GPR137C: variants seen among roughly 807,000 people sequenced by gnomAD.
GPR137C encodes G protein-coupled receptor 137C.
GPR137C carries 27 observed loss-of-function variants against 43.4 expected under a neutral mutation model. The ratio of observed to expected loss-of-function variants is 0.62; its 90% CI spans 0.46 to 0.86. GPR137C has a LOEUF of 0.86. Ranked by LOEUF, GPR137C falls within the 40% of genes least tolerant of loss-of-function variation. The pLI, the probability that GPR137C is intolerant of heterozygous loss-of-function variation, is 0.00. For synonymous variants in GPR137C, 285 were observed against 226.9 expected (o/e 1.26, Z -2.30); for missense variants, 522 against 534.6 (o/e 0.98, Z 0.23).
At chr14:52,596,315 G>A (rs939230585) in intron 1 of GPR137C, among the ~76,000 whole-genome samples, 3 of 152,232 alleles carry the variant, frequency 2.0e-5, no homozygotes, top group Non-Finnish European at 2.9e-5. Context: ...CGTTCTCAGA[G>A]CTCAAACTCC....
At chr14:52,578,382 G>A (rs1337305146) in intron 1 of GPR137C, among the ~76,000 whole-genome samples, 2 of 151,570 alleles carry the variant, frequency 1.3e-5, no homozygotes, top group African/African-American at 4.8e-5. Context: ...TGCTTTTTGG[G>A]GGAGTTTCCC....
At chr14:52,581,543 AAAAG>A (rs1228232497) in intron 1 of GPR137C, among the ~76,000 whole-genome samples, 5 of 152,092 alleles carry the variant, frequency 3.3e-5, no homozygotes, top group African/African-American at 4.8e-5. Context: ...CAAAAAAAAA[AAAAG>A]AAAGAAAGTG....
chr14:52,629,485 A>G (rs1394674061), intron 3 of GPR137C, among the ~76,000 whole-genome samples: 2 of 152,206 alleles, frequency 1.3e-5, no homozygotes, highest in Non-Finnish European at 2.9e-5. Context: ...AGAGTTGGTC[A>G]CTGTAATTAT....
intron 3 of GPR137C, 27 bp from the exon 4 acceptor site, chr14:52,632,133 A>G: frequency 6.4e-7 from 1 of 1,557,302 alleles, no homozygotes; most frequent in South Asian, 1.1e-5. Flanking sequence ...GTAGAATACT[A>G]AAGATGATGA....
At chr14:52,595,336 CT>C (rs2038840050) in intron 1 of GPR137C, among the ~76,000 whole-genome samples, 1 of 152,088 alleles carries the variant, frequency 6.6e-6, no homozygotes. Context: ...GTGGTGTTCT[CT>C]GAATTTCCTG....
intron 1 of GPR137C, among the ~76,000 whole-genome samples, chr14:52,581,208 A>G (rs978578014): frequency 6.6e-5 from 10 of 150,536 alleles, no homozygotes; most frequent in Non-Finnish European, 1.2e-4. Context: ...AAAAAAAAAA[A>G]AAAAAGTTGT....
intron 3 of GPR137C, among the ~76,000 whole-genome samples, chr14:52,618,132 C>T (rs2039120648): frequency 6.6e-6 from 1 of 152,164 alleles, no homozygotes; most frequent in South Asian, 2.1e-4. Flanking sequence ...GAACAGGATT[C>T]CCCTTTTGAA....
chr14:52,565,771 A>C (rs547636490), intron 1 of GPR137C, among the ~76,000 whole-genome samples: 1 of 152,330 alleles, frequency 6.6e-6, no homozygotes, highest in Non-Finnish European at 1.5e-5. Flanking sequence ...GTGTCCTTGT[A>C]ATCTTATTAT....
chr14:52,579,855 G>A (rs1041591381), intron 1 of GPR137C, among the ~76,000 whole-genome samples: 110 of 152,248 alleles, frequency 7.2e-4, no homozygotes, highest in African/African-American at 2.6e-3. Flanking sequence ...TGGCCGTGTA[G>A]GTACCCTCTA....
intron 3 of GPR137C, among the ~76,000 whole-genome samples, chr14:52,608,341 A>G (rs1047205952): frequency 1.3e-5 from 2 of 152,238 alleles, no homozygotes; most frequent in Admixed American, 1.3e-4. Flanking sequence ...CTTAAGATTG[A>G]TAACAACTTT....
In GPR137C at chr14:52,553,479, C is replaced by T. The variant is rs1256712335; in HGVS notation, c.332C>T (p.Pro111Leu). ...GCCTTCTCGCTCAGCGGCTCCCTGC[C>T]CTTGCTCCGGCCGCCCGCTCACCTG... ...SAAFSLSGSL[P>L]LLRPPAHLHF... Residue 111 changes from proline (P) to leucine (L), a missense_variant, in exon 1 of 7, where the codon CCC (proline) becomes CTC (leucine). By Grantham distance (98) the Pro-to-Leu change is moderately conservative. This residue lies in a region of GPR137C where 437 missense variants were observed against 425.7 expected (regional missense o/e 1.03). Transcript: ENST00000321662. The T allele has an allele frequency of 2.5e-6, 4 of 1,608,890 alleles. No individual in the cohort carries two copies. Among genetic ancestry groups the T allele is most frequent in the Middle Eastern group, 1.7e-4 (1 of 6,060 alleles).
chr14:52,634,027 G>GA (rs748153038), intron 6 of GPR137C, 81 bp downstream of exon 6: 2 of 827,244 alleles, frequency 2.4e-6, no homozygotes, highest in South Asian at 1.5e-5. Flanking sequence ...ACCAAAATAT[G>GA]AAAAAAGGTG....
chr14:52,594,556 C>G (rs1324185420), intron 1 of GPR137C, among the ~76,000 whole-genome samples: 1 of 152,206 alleles, frequency 6.6e-6, no homozygotes, highest in Non-Finnish European at 1.5e-5. Context: ...GAATTGATCC[C>G]TTTACCATTC....
chr14:52,608,884 T>C (rs574371551), intron 3 of GPR137C, among the ~76,000 whole-genome samples: 2 of 152,194 alleles, frequency 1.3e-5, no homozygotes, highest in Non-Finnish European at 2.9e-5. Context: ...CTTTGGGAGT[T>C]TGATTATATG....
intron 3 of GPR137C, chr14:52,611,970 T>G: frequency 1.0e-6 from 1 of 985,382 alleles, no homozygotes; most frequent in Non-Finnish European, 1.2e-6. Flanking sequence ...TTACAAAACT[T>G]GGAAAAATCC....
intron 3 of GPR137C, among the ~76,000 whole-genome samples, chr14:52,609,543 G>T (rs568974697): frequency 1.3e-5 from 2 of 152,302 alleles, no homozygotes; most frequent in East Asian, 3.9e-4. Flanking sequence ...TTTATGCCTG[G>T]CCTTCTTCAG....
intron 1 of GPR137C, among the ~76,000 whole-genome samples, chr14:52,593,638 C>T (rs370652414): frequency 3.3e-5 from 5 of 152,318 alleles, no homozygotes; most frequent in African/African-American, 1.2e-4. Context: ...ATAGTATTCT[C>T]TGATGGTAGT....
intron 1 of GPR137C, among the ~76,000 whole-genome samples, chr14:52,594,240 C>T (rs2038821434): frequency 6.6e-6 from 1 of 152,084 alleles, no homozygotes; most frequent in African/African-American, 2.4e-5. Context: ...TGTTTCACTT[C>T]CAATTATGTG....
chr14:52,567,651 T>C (rs1164048781), intron 1 of GPR137C, among the ~76,000 whole-genome samples: 3 of 129,528 alleles, frequency 2.3e-5, no homozygotes, highest in African/African-American at 7.4e-5. Context: ...AGATTGTTCT[T>C]TTTTTTTTTG....
Sources: allele counts gnomAD v4.1 joint callset (sites outside exome capture counted in the v4.1 genomes callset), GRCh38; gene constraint gnomAD v4.1.1; regional missense constraint gnomAD v4.1.1; transcripts MANE v1.5; gene names NCBI Gene and HGNC (gene_info 2026-07-23, HGNC 2026-07-21).